Variants in SEC14L5 observed in about 807,000 individuals in gnomAD.
SEC14L5 encodes SEC14-like protein 5.
Under a neutral mutation model 84.6 loss-of-function variants are expected in SEC14L5, and 96 were observed. The observed-to-expected ratio is 1.13, with a 90% CI of 0.96 to 1.34. SEC14L5 has a LOEUF of 1.34. SEC14L5 is among the 40% of genes most tolerant of loss of function. SEC14L5 has a pLI of 0.00. For missense variants in SEC14L5, 1,224 were observed against 942.5 expected, an observed-to-expected ratio of 1.30 and a Z score of -3.91; for synonymous variants, 546 against 383.4, an observed-to-expected ratio of 1.42 and a Z score of -4.95.
chr16:4,997,725 A>G (rs1185303273), intron 8 of SEC14L5, among the ~76,000 whole-genome samples: 2 of 152,198 alleles, frequency 1.3e-5, no homozygotes, highest in African/African-American at 2.4e-5. Context: ...TCTGGAGTCA[A>G]GGCGTCACCA....
At chr16:4,987,499 G>GT in intron 2 of SEC14L5, 58 bp from the exon 3 acceptor site, 6 of 1,298,420 alleles carry the variant, frequency 4.6e-6, no homozygotes, top group Non-Finnish European at 6.2e-6. Context: ...GGTCGCGCTG[G>GT]GGGGGGGGGT....
At chr16:5,012,291 G>A (rs1436826320) in intron 15 of SEC14L5, among the ~76,000 whole-genome samples, 1 of 152,228 alleles carries the variant, frequency 6.6e-6, no homozygotes, top group Non-Finnish European at 1.5e-5. Context: ...TTGTCTCTGG[G>A]AGGGCTGATT....
intron 2 of SEC14L5, among the ~76,000 whole-genome samples, chr16:4,978,428 G>GAAAAAAAA (rs1184180477): frequency 7.7e-5 from 4 of 52,190 alleles, no homozygotes; most frequent in Non-Finnish European, 9.4e-5. Context: ...AAAAAAAAAG[G>GAAAAAAAA]AAAAAAAAGA....
At chr16:4,993,935 G>A (rs902922270) in intron 6 of SEC14L5, among the ~76,000 whole-genome samples, 24 of 148,846 alleles carry the variant, frequency 1.6e-4, no homozygotes, top group Admixed American at 2.0e-4. Context: ...GCAAGATCAG[G>A]CATGATTTTT....
chr16:4,969,351 C>A (rs951524678), intron 2 of SEC14L5, among the ~76,000 whole-genome samples: 1 of 151,322 alleles, frequency 6.6e-6, no homozygotes, highest in Non-Finnish European at 1.5e-5. Flanking sequence ...TTTTTTTCTC[C>A]AATGTCAGAG....
chr16:4,992,522 G>A (rs1305758980), intron 6 of SEC14L5, among the ~76,000 whole-genome samples: 1 of 152,212 alleles, frequency 6.6e-6, no homozygotes, highest in African/African-American at 2.4e-5. Flanking sequence ...AAAGTGCTGG[G>A]ATTACAGGCG....
In SEC14L5 at chr16:4,995,475, A is replaced by C. The variant is rs191870021; in HGVS notation, c.668-873A>C. 5.2e-3 allele frequency among the ~76,000 whole-genome samples: 792 copies of C among 152,286 alleles called. 4 individuals carry two copies. The highest frequency in any genetic ancestry group is 8.8e-3 in the Admixed American group (134 of 15,294). On this transcript the variant is annotated intron_variant, in intron 6 of 15. Transcript: ENST00000251170. ...GCTCTGTTAAAAGCTGCTGTCTGTC[A>C]AAACCCCACAATGGGGCCTGGGGAT...
rs1203201367 is a variant in SEC14L5 at position 5,007,586 on chromosome 16, T to TTTTC, written c.1572+120_1572+123dup. ...AGCTTGAGATGAGGATTCTTTTTTCTTTTCTTTCTTTCTTTCTTTCTTTTT... is the reference window on the plus strand; with the variant it reads ...AGCTTGAGATGAGGATTCTTTTTTCTTTTCTTTCTTTCTTTCTTTCTTTCTTTTT... On this transcript the variant is annotated intron_variant, in intron 13 of 15. Transcript: ENST00000251170. The TTTTC allele has an allele frequency of 1.7e-3, 1,615 of 974,700 alleles. 19 individuals carry two copies. The African/African-American group carries it at 0.023, about 14-fold the overall frequency. 60.4% of individuals were successfully genotyped at this position (974,700 alleles called of 1,614,324 possible).
intron 2 of SEC14L5, among the ~76,000 whole-genome samples, chr16:4,968,568 C>G (rs1358929760): frequency 1.3e-5 from 2 of 152,240 alleles, no homozygotes; most frequent in Non-Finnish European, 2.9e-5. Context: ...CTCAAGCCAT[C>G]CTCCTGTGGT....
At chr16:4,975,771 G>T (rs1371290581) in intron 2 of SEC14L5, among the ~76,000 whole-genome samples, 1 of 152,170 alleles carries the variant, frequency 6.6e-6, no homozygotes, top group Non-Finnish European at 1.5e-5. Context: ...ACTTGCAGGG[G>T]GAAGGAAAGG....
intron 2 of SEC14L5, among the ~76,000 whole-genome samples, chr16:4,964,612 C>G (rs1568100942): frequency 6.6e-6 from 1 of 152,032 alleles, no homozygotes; most frequent in Non-Finnish European, 1.5e-5. Context: ...CCCACAGGCT[C>G]TCTCTCTGCT....
rs545560708 is a variant in SEC14L5, at chr16:4,999,615, G to GC, written c.971-1038dup. Among the ~76,000 whole-genome samples the GC allele has an allele frequency of 3.4e-3, 518 of 151,882 alleles. 1 individual carries two copies. The highest frequency in any genetic ancestry group is 6.4e-3 in the Non-Finnish European group (435 of 67,888). On this transcript the variant is annotated intron_variant, in intron 8 of 15. Transcript: ENST00000251170. ...AGCCTGGGTGACAGAGTGAAACCCT[G>GC]CCTCAAAGAACAAAGAGGCCAGGCA... is the stretch of plus-strand genomic sequence containing the variant.
intron 6 of SEC14L5, among the ~76,000 whole-genome samples, chr16:4,994,585 C>T (rs1299033896): frequency 1.3e-5 from 2 of 152,124 alleles, no homozygotes; most frequent in Non-Finnish European, 2.9e-5. Flanking sequence ...CTCAAGTTAT[C>T]CTCCTGCCTT....
intron 3 of SEC14L5, among the ~76,000 whole-genome samples, 197 bp from the exon 4 acceptor site, chr16:4,987,952 C>T (rs970788503): frequency 6.6e-6 from 1 of 151,254 alleles, no homozygotes; most frequent in African/African-American, 2.4e-5. Flanking sequence ...AGGGCCGGAG[C>T]TGGGTGGTGA....
intron 13 of SEC14L5, 120 bp downstream of exon 13, chr16:5,007,606 CTTTTT>C (rs377374416): frequency 7.7e-4 from 432 of 561,638 alleles, no homozygotes; most frequent in Middle Eastern, 2.2e-3. Context: ...TTCTTTCTTT[CTTTTT>C]TTTTTTTTTT....
intron 2 of SEC14L5, among the ~76,000 whole-genome samples, chr16:4,962,702 A>C (rs985120974): frequency 1.2e-4 from 18 of 151,510 alleles, no homozygotes; most frequent in South Asian, 2.1e-4. Flanking sequence ...AAAAAAAAAA[A>C]AAAAAACTTC....
In SEC14L5 at chr16:4,991,954, G is replaced by A. The variant is rs544805576; in HGVS notation, c.591G>A (p.Pro197=). The change falls in exon 6 of 16, where the codon CCG becomes CCA. Residue 197 remains proline (P), a synonymous_variant. Coordinates refer to ENST00000251170, the MANE Select transcript of SEC14L5 (RefSeq NM_014692.2). ...AGGATGCCCGCAACCAGGCTGGACC[G>A]AGGGACCCCAGCTCCCTGGAGGCCC... The part of the protein sequence containing the change: ...REEDARNQAG[P]RDPSSLEAHG... 2.4e-5 allele frequency: 39 copies of A among 1,596,972 alleles called. No individual in the cohort carries two copies. Among genetic ancestry groups the A allele is most frequent in the East Asian group, 4.5e-5 (2 of 44,394 alleles).
intron 13 of SEC14L5, among the ~76,000 whole-genome samples, chr16:5,007,949 C>T (rs867216327): frequency 3.4e-5 from 5 of 146,730 alleles, no homozygotes; most frequent in African/African-American, 1.3e-4. Flanking sequence ...ACTCTGTCAC[C>T]AAGGCTGGAG....
At chr16:4,988,115 AC>A (rs1259353605) in intron 3 of SEC14L5, 33 bp from the exon 4 acceptor site, 1 of 1,442,552 alleles carries the variant, frequency 6.9e-7, no homozygotes, top group Non-Finnish European at 9.6e-7. Context: ...CACGCCGCCC[AC>A]CCACCTCCGC....
Sources: allele counts gnomAD v4.1 joint callset (sites outside exome capture counted in the v4.1 genomes callset), GRCh38; gene constraint gnomAD v4.1.1; transcripts MANE v1.5; gene names NCBI Gene and HGNC (gene_info 2026-07-23, HGNC 2026-07-21).